ALK: variants seen among roughly 807,000 people sequenced by gnomAD.
The protein encoded by ALK is ALK tyrosine kinase receptor.
A neutral mutation model predicts 163.1 loss-of-function variants in ALK; 74 were observed. The ratio of observed to expected loss-of-function variants is 0.45; its 90% CI spans 0.38 to 0.55. The LOEUF (loss-of-function observed/expected upper bound fraction) is 0.55. Among genes scored for constraint, ALK ranks in the 20% least tolerant of loss-of-function variants. ALK has a pLI of 0.00. For missense variants in ALK, 2,063 were observed against 2,105.3 expected (o/e 0.98, Z 0.39); for synonymous variants, 960 against 843.2 (o/e 1.14, Z -2.40).
intron 4 of ALK, 27 bp downstream of exon 4, chr2:29,531,888 C>A (rs769143268): frequency 6.2e-7 from 1 of 1,612,816 alleles, no homozygotes; most frequent in South Asian, 1.1e-5. Flanking sequence ...GGTATAAAAT[C>A]AATTTTGGAC....
chr2:29,583,586 C>A (rs2148200516), intron 3 of ALK, among the ~76,000 whole-genome samples: 1 of 139,214 alleles, frequency 7.2e-6, no homozygotes, highest in East Asian at 1.9e-4. Context: ...CATGCTCCAT[C>A]TGTTCTCTTC....
At chr2:29,352,075 C>G (rs1374513273) in intron 5 of ALK, among the ~76,000 whole-genome samples, 1 of 152,108 alleles carries the variant, frequency 6.6e-6, no homozygotes, top group Non-Finnish European at 1.5e-5. Flanking sequence ...GATGCTGTAT[C>G]CTGGAGAGGC....
intron 1 of ALK, among the ~76,000 whole-genome samples, chr2:29,866,626 C>A (rs146924468): frequency 2.6e-5 from 4 of 152,276 alleles, no homozygotes; most frequent in Non-Finnish European, 5.9e-5. Context: ...AGGCTGATCT[C>A]TGTGATATGC....
chr2:29,826,550 C>T (rs1046426828), intron 1 of ALK, among the ~76,000 whole-genome samples: 24 of 151,964 alleles, frequency 1.6e-4, no homozygotes, highest in African/African-American at 5.8e-4. Context: ...CAGTCTTATA[C>T]AAGCCTCATG....
chr2:29,583,709 C>T (rs562604159), intron 3 of ALK, among the ~76,000 whole-genome samples: 7 of 152,292 alleles, frequency 4.6e-5, no homozygotes, highest in African/African-American at 1.7e-4. Flanking sequence ...TTTGTCCCAT[C>T]TCTTGCAGTC....
Position 29,360,952 on chromosome 2 carries a change from A to T in ALK, c.1282+22780T>A, listed in dbSNP as rs376780950. On this transcript the variant is annotated intron_variant, in intron 5 of 28. Transcript: ENST00000389048. The stretch of plus-strand genomic sequence containing the variant: ...CACCCCTGGTCATGGGCCTGAAACC[A>T]CATAAACTGCTAGGGCTCAGCTAGA... Among the ~76,000 whole-genome samples the T allele has an allele frequency of 2.6e-4, 39 of 152,220 alleles. 1 individual carries two copies. Among genetic ancestry groups the T allele is most frequent in the Non-Finnish European group, 2.8e-4 (19 of 68,044 alleles).
At chr2:29,414,729 A>T (rs1040837438) in intron 4 of ALK, among the ~76,000 whole-genome samples, 1 of 152,262 alleles carries the variant, frequency 6.6e-6, no homozygotes, top group Non-Finnish European at 1.5e-5. Flanking sequence ...TTATCAAAGC[A>T]GGTCCCTTTC....
intron 1 of ALK, among the ~76,000 whole-genome samples, chr2:29,733,777 G>T (rs1217240063): frequency 6.6e-6 from 1 of 152,202 alleles, no homozygotes; most frequent in Non-Finnish European, 1.5e-5. Context: ...TTGTAGACAG[G>T]AGGGGAAGAT....
intron 3 of ALK, among the ~76,000 whole-genome samples, chr2:29,608,459 A>G (rs1041082412): frequency 1.3e-5 from 2 of 152,152 alleles, no homozygotes; most frequent in Non-Finnish European, 2.9e-5. Context: ...TAGCTGATGG[A>G]TCTAAGATTG....
intron 1 of ALK, among the ~76,000 whole-genome samples, chr2:29,882,565 G>A (rs564237991): frequency 3.9e-5 from 6 of 152,174 alleles, no homozygotes; most frequent in East Asian, 1.9e-4. Flanking sequence ...GTGGTGGTGC[G>A]CACCTGTAGT....
intron 1 of ALK, among the ~76,000 whole-genome samples, chr2:29,785,833 T>A (rs181589201): frequency 6.6e-6 from 1 of 151,306 alleles, no homozygotes; most frequent in African/African-American, 2.4e-5. Flanking sequence ...CTCCCCTATC[T>A]TTCATTCCCT....
chr2:29,307,175 A>G (rs1666548716), intron 8 of ALK, among the ~76,000 whole-genome samples: 1 of 152,220 alleles, frequency 6.6e-6, no homozygotes, highest in South Asian at 2.1e-4. Context: ...CAATCCCTTC[A>G]ACCCACAGAA....
intron 3 of ALK, among the ~76,000 whole-genome samples, chr2:29,541,948 C>T (rs528331928): frequency 1.3e-5 from 2 of 152,342 alleles, no homozygotes; most frequent in African/African-American, 4.8e-5. Flanking sequence ...CCTCCCATAA[C>T]CTGTCTTGCA....
intron 22 of ALK, among the ~76,000 whole-genome samples, chr2:29,221,929 T>C (rs1158723169): frequency 6.6e-6 from 1 of 152,246 alleles, no homozygotes; most frequent in East Asian, 1.9e-4. Flanking sequence ...GACTCAGCCC[T>C]GCTGATGGGA....
intron 4 of ALK, among the ~76,000 whole-genome samples, chr2:29,431,148 G>A (rs1670263522): frequency 6.6e-6 from 1 of 152,152 alleles, no homozygotes; most frequent in Admixed American, 6.5e-5. Context: ...CTACCTGAAA[G>A]TAAAGGAAAA....
At chr2:29,416,979 CTTTTTTTTTTTTTTT>C (rs751862066) in intron 4 of ALK, among the ~76,000 whole-genome samples, 3 of 77,664 alleles carry the variant, frequency 3.9e-5, no homozygotes, top group Admixed American at 3.2e-4. Flanking sequence ...ATGTTTGATG[CTTTTTTTTTTTTTTT>C]TTTTTTTTTT....
At chr2:29,900,646 C>T (rs1438961843) in intron 1 of ALK, among the ~76,000 whole-genome samples, 2 of 151,950 alleles carry the variant, frequency 1.3e-5, no homozygotes, top group African/African-American at 4.8e-5. Context: ...CAGTAACCAG[C>T]AAACATGGGC....
At chr2:29,435,031 G>C (rs1464853167) in intron 4 of ALK, among the ~76,000 whole-genome samples, 1 of 152,122 alleles carries the variant, frequency 6.6e-6, no homozygotes, top group Non-Finnish European at 1.5e-5. Flanking sequence ...TGGTTGTTAG[G>C]TCAGGGCTGT....
At position 29,665,640 on chromosome 2, in the gene ALK, G is replaced by A. The variant is rs147345600; in HGVS notation, c.952+29210C>T. On this transcript the variant is annotated intron_variant, in intron 3 of 28. Transcript: ENST00000389048. The stretch of plus-strand genomic sequence containing the variant: ...ATGCAGGATAGGACACAGTGACAAG[G>A]GCATGGTCACAAGAATAGGCAGAGC... Among the ~76,000 whole-genome samples the A allele has an allele frequency of 8.2e-3, 1,244 of 151,764 alleles. 15 individuals carry two copies. The highest frequency in any genetic ancestry group is 0.045 in the South Asian group (214 of 4,782).
Sources: allele counts gnomAD v4.1 joint callset (sites outside exome capture counted in the v4.1 genomes callset), GRCh38; gene constraint gnomAD v4.1.1; transcripts MANE v1.5; gene names NCBI Gene and HGNC (gene_info 2026-07-23, HGNC 2026-07-21).